Variants in CCDC3 observed in about 807,000 individuals in gnomAD.
CCDC3 encodes coiled-coil domain containing 3, also known as coiled-coil domain-containing protein 3.
CCDC3 carries 24 observed loss-of-function variants against 21.4 expected under a neutral mutation model. The ratio of observed to expected loss-of-function variants is 1.12; its 90% CI spans 0.81 to 1.58. The LOEUF is 1.58. Ranked by LOEUF, CCDC3 falls within the 40% of genes most tolerant of loss-of-function variation. CCDC3 has a pLI of 0.00. For missense variants in CCDC3, 425 were observed against 360.9 expected (o/e 1.18, Z -1.44); for synonymous variants, 186 against 166.0 (o/e 1.12, Z -0.93).
intron 5 of CCDC3, among the ~76,000 whole-genome samples, chr10:13,019,309 G>A (rs1331194481): frequency 6.6e-6 from 1 of 152,138 alleles, no homozygotes; most frequent in Non-Finnish European, 1.5e-5. Context: ...TGTTTACTAT[G>A]AAAGCACTGC....
At chr10:13,048,540 T>C (rs1836562929) in intron 5 of CCDC3, among the ~76,000 whole-genome samples, 1 of 152,178 alleles carries the variant, frequency 6.6e-6, no homozygotes, top group Non-Finnish European at 1.5e-5. Flanking sequence ...TTACGGATTC[T>C]GTTACCTATT....
intron 5 of CCDC3, among the ~76,000 whole-genome samples, chr10:13,017,793 T>A (rs1230545934): frequency 6.6e-6 from 1 of 152,048 alleles, no homozygotes; most frequent in East Asian, 1.9e-4. Flanking sequence ...CCCATTGGGG[T>A]TGACATCCAT....
chr10:12,936,234 GGTT>G (rs1834735696), intron 2 of CCDC3, among the ~76,000 whole-genome samples: 1 of 151,994 alleles, frequency 6.6e-6, no homozygotes, highest in Non-Finnish European at 1.5e-5. Flanking sequence ...AGAATTGTAG[GGTT>G]GTTTTTTTCT....
intron 2 of CCDC3, among the ~76,000 whole-genome samples, chr10:12,974,943 A>G (rs1835393972): frequency 6.6e-6 from 1 of 152,228 alleles, no homozygotes; most frequent in South Asian, 2.1e-4. Context: ...TTTTCTACAC[A>G]TACACATTCC....
chr10:12,898,712 G>A (rs779339118), intron 2 of CCDC3, 33 bp from the exon 3 acceptor site: 2 of 1,608,880 alleles, frequency 1.2e-6, no homozygotes, highest in Non-Finnish European at 8.5e-7. Flanking sequence ...AGGAGAGGAG[G>A]TGAGTCCCAG....
At chr10:12,945,952 C>A (rs763194063) in intron 2 of CCDC3, among the ~76,000 whole-genome samples, 1 of 152,166 alleles carries the variant, frequency 6.6e-6, no homozygotes, top group Admixed American at 6.5e-5. Flanking sequence ...ATTCTTCTGC[C>A]TAATTCTTTG....
At chr10:12,912,069 T>C (rs776134295) in intron 2 of CCDC3, among the ~76,000 whole-genome samples, 2 of 152,252 alleles carry the variant, frequency 1.3e-5, no homozygotes, top group African/African-American at 2.4e-5. Context: ...TTTGATTCCC[T>C]ATCTCGACTA....
At chr10:13,072,861 TTCTTTC>T (rs1197779236) in intron 4 of CCDC3, among the ~76,000 whole-genome samples, 1 of 65,288 alleles carries the variant, frequency 1.5e-5, no homozygotes. Flanking sequence ...TTCTTTTCTT[TTCTTTC>T]TTTTTTTTTT....
At chr10:12,990,852 G>A (rs1835670382) in intron 2 of CCDC3, among the ~76,000 whole-genome samples, 1 of 152,200 alleles carries the variant, frequency 6.6e-6, no homozygotes, top group African/African-American at 2.4e-5. Flanking sequence ...ATAGGCCAAT[G>A]TATTTTCATG....
chr10:12,933,623 A>G (rs923357783), intron 2 of CCDC3, among the ~76,000 whole-genome samples: 1 of 151,900 alleles, frequency 6.6e-6, no homozygotes, highest in East Asian at 1.9e-4. Context: ...CGCCAGGATA[A>G]TATTTTGTGT....
rs183812220 is a variant in CCDC3, at chr10:12,961,678, C to T, written c.549+36660G>A. On this transcript the variant is annotated intron_variant, in intron 2 of 2. Transcript: ENST00000378825. ...TGTTAAATTGACTTTCAAAGGAAGG[C>T]TTTGCATGAGGAAGTTAATGGAGCT... Among the ~76,000 whole-genome samples the T allele has an allele frequency of 1.4e-3, 216 of 152,252 alleles. 7 individuals carry two copies. Among genetic ancestry groups the T allele is most frequent in the Non-Finnish European group, 1.5e-3 (103 of 68,006 alleles).
At chr10:13,082,316 A>G (rs1837051497) in intron 3 of CCDC3, among the ~76,000 whole-genome samples, 3 of 152,250 alleles carry the variant, frequency 2.0e-5, no homozygotes, top group South Asian at 2.1e-4. Context: ...CCTGTTTGAC[A>G]GCCAAGGCGG....
chr10:12,975,843 G>A (rs1222494854), intron 2 of CCDC3, among the ~76,000 whole-genome samples: 4 of 152,192 alleles, frequency 2.6e-5, no homozygotes, highest in African/African-American at 9.7e-5. Context: ...AATTGCAGGT[G>A]TAAAATTTCA....
chr10:12,899,273 TAAAAA>T (rs201702085), intron 2 of CCDC3, among the ~76,000 whole-genome samples: 15 of 151,646 alleles, frequency 9.9e-5, no homozygotes, highest in Admixed American at 2.6e-4. Context: ...CATAATAACA[TAAAAA>T]AAACAAATGA....
At chr10:12,954,117 G>A (rs1471117828) in intron 2 of CCDC3, among the ~76,000 whole-genome samples, 1 of 152,110 alleles carries the variant, frequency 6.6e-6, no homozygotes, top group Non-Finnish European at 1.5e-5. Flanking sequence ...ACAAAAACAG[G>A]TACCAGGCCA....
At position 13,039,487 on chromosome 10, in the gene CCDC3, G is replaced by A. The variant is rs1022768864; in HGVS notation, c.-2+10187C>T. Among the ~76,000 whole-genome samples the A allele has an allele frequency of 2.6e-5, 4 of 151,912 alleles. No individual in the cohort carries two copies. The East Asian group carries it at 7.7e-4, about 29-fold the overall frequency. ...AAATTATTATTTGGTTATTTACACT[G>A]GAATTGATAGTGCTTTGAGTTACAA... is the stretch of plus-strand genomic sequence containing the variant. On this transcript the variant is annotated intron_variant, in intron 5 of 6. Coordinates refer to the CCDC3 transcript ENST00000378839.
chr10:13,067,391 G>GT (rs34693791), intron 4 of CCDC3, among the ~76,000 whole-genome samples: 80,384 of 150,732 alleles, frequency 0.53, 22,090 homozygotes, highest in African/African-American at 0.69. Context: ...TAAGTGAGAG[G>GT]TTTTTTTTTT....
chr10:13,003,578 C>G (rs1835891150), upstream of CCDC3, among the ~76,000 whole-genome samples: 1 of 152,176 alleles, frequency 6.6e-6, no homozygotes, highest in African/African-American at 2.4e-5. Flanking sequence ...GAGTGTGCAA[C>G]TGACCTAACA....
intron 3 of CCDC3, among the ~76,000 whole-genome samples, chr10:13,087,185 A>T (rs1373665110): frequency 6.6e-6 from 1 of 152,094 alleles, no homozygotes; most frequent in African/African-American, 2.4e-5. Flanking sequence ...CGGGTGGATC[A>T]CCTGAGGTCG....
Sources: allele counts gnomAD v4.1 joint callset (sites outside exome capture counted in the v4.1 genomes callset), GRCh38; gene constraint gnomAD v4.1.1; transcripts MANE v1.5; gene names NCBI Gene and HGNC (gene_info 2026-07-23, HGNC 2026-07-21).